The following CCNJ variants were observed in gnomAD, a reference collection of about 807,000 sequenced individuals.
The protein encoded by CCNJ is cyclin-J.
In CCNJ, 12 loss-of-function variants were observed where a neutral mutation model predicts 41.4. That is an observed-to-expected ratio of 0.29 (90% CI 0.19 to 0.47). The LOEUF (loss-of-function observed/expected upper bound fraction) is 0.47, where lower values mean the gene tolerates loss of function less well. Among genes scored for constraint, CCNJ ranks in the 20% least tolerant of loss-of-function variants. The probability of loss-of-function intolerance (pLI) is 1.00; values close to 1 mark genes in which losing one functional copy is unlikely to be tolerated. For synonymous variants in CCNJ, 161 were observed against 173.4 expected, an observed-to-expected ratio of 0.93 and a Z score of 0.56; for missense variants, 340 against 464.6, an observed-to-expected ratio of 0.73 and a Z score of 2.47.
chr10:96,047,060 A>G (rs1273407861), intron 2 of CCNJ, among the ~76,000 whole-genome samples: 1 of 152,180 alleles, frequency 6.6e-6, no homozygotes, highest in African/African-American at 2.4e-5. Context: ...GAGCTAAGTT[A>G]GATTTTCTTC....
rs2080778999 is a variant in CCNJ at position 96,059,767 on chromosome 10, G to A, written c.*1526G>A. 1 of 152,712 alleles carries A rather than the reference G, an allele frequency of 6.5e-6. No individual in the cohort carries two copies. Among genetic ancestry groups the A allele is most frequent in the African/African-American group, 2.4e-5 (1 of 41,546 alleles). The allele number at this position is 152,712 out of a possible 1,614,324, so 9.5% of individuals were successfully genotyped here. A position where few individuals can be genotyped will look rare whatever the true frequency, so the allele number is the denominator to read the frequency against. On this transcript the variant is annotated 3_prime_UTR_variant, in exon 6 of 6. Coordinates refer to ENST00000465148, the MANE Select transcript of CCNJ (RefSeq NM_001134375.2). Reference sequence around the variant, plus strand: ...ATAAAGATGTTGTGGGTATGCAGCAGGAGTCTCAGTAATCAAGCCAATGGC... The same window carrying A: ...ATAAAGATGTTGTGGGTATGCAGCAAGAGTCTCAGTAATCAAGCCAATGGC...
chr10:96,054,330 G>A (rs1357349630), intron 3 of CCNJ, among the ~76,000 whole-genome samples: 3 of 152,138 alleles, frequency 2.0e-5, no homozygotes, highest in African/African-American at 7.2e-5. Context: ...ATAGCAGTGA[G>A]CACAACAAAA....
In CCNJ at chr10:96,058,511, T is replaced by C. The variant is rs1215356115; in HGVS notation, c.*270T>C. On this transcript the variant is annotated 3_prime_UTR_variant, in exon 6 of 6. Coordinates refer to ENST00000465148, the MANE Select transcript of CCNJ (RefSeq NM_001134375.2). ...TGATGGTCCAAATATTTCAAAAATA[T>C]TCAGTACAACAGAAAATTTGGACAG... 3.8e-5 allele frequency: 19 copies of C among 494,628 alleles called. No homozygotes were observed. Among genetic ancestry groups the C allele is most frequent in the Non-Finnish European group, 6.1e-5 (17 of 280,976 alleles). 30.6% of individuals were successfully genotyped at this position (494,628 alleles called of 1,614,324 possible).
rs1056728894 is a variant in CCNJ, at chr10:96,060,115, C to T, written c.*1874C>T. 3 of 152,512 alleles carry T rather than the reference C, an allele frequency of 2.0e-5. No individual in the cohort carries two copies. The highest frequency in any genetic ancestry group is 6.6e-5 in the Admixed American group (1 of 15,262). 9.4% of individuals were successfully genotyped at this position (152,512 alleles called of 1,614,324 possible). On this transcript the variant is annotated 3_prime_UTR_variant, in exon 6 of 6. Coordinates refer to ENST00000465148, the MANE Select transcript of CCNJ (RefSeq NM_001134375.2). ...TTTGGTAGTTCTTACCTCAAGAAAA[C>T]TTGAATTATTTGGGGGAAAGTAGGC...
In CCNJ at chr10:96,050,498, A is replaced by G. The variant is rs2080491202; in HGVS notation, c.280+32A>G. 3 of 1,469,232 alleles carry G rather than the reference A, an allele frequency of 2.0e-6. No individual in the cohort carries two copies. The African/African-American group carries it at 4.2e-5, about 20-fold the overall frequency. 91.0% of individuals were successfully genotyped at this position (1,469,232 alleles called of 1,614,324 possible). On this transcript the variant is annotated intron_variant, in intron 3 of 5. Coordinates refer to ENST00000465148, the MANE Select transcript of CCNJ (RefSeq NM_001134375.2). ...ATGAATCTGATTTACATGACTGGAAATTTCTGATGTTTATATAATAAAATA... is the reference window on the plus strand; with the variant it reads ...ATGAATCTGATTTACATGACTGGAAGTTTCTGATGTTTATATAATAAAATA...
chr10:96,046,823 TCTC>T (rs2080377575), intron 2 of CCNJ, among the ~76,000 whole-genome samples: 1 of 152,204 alleles, frequency 6.6e-6, no homozygotes, highest in African/African-American at 2.4e-5. Context: ...TCTCCTTTCT[TCTC>T]ATTATTTTGC....
intron 3 of CCNJ, among the ~76,000 whole-genome samples, chr10:96,054,132 T>C (rs2080611239): frequency 6.6e-6 from 1 of 152,234 alleles, no homozygotes; most frequent in African/African-American, 2.4e-5. Flanking sequence ...CCCAGTGTTT[T>C]TGTTTCTGTG....
At chr10:96,051,395 T>A (rs1404454518) in intron 3 of CCNJ, among the ~76,000 whole-genome samples, 4 of 152,240 alleles carry the variant, frequency 2.6e-5, no homozygotes, top group African/African-American at 2.4e-5. Context: ...TAATATAGTT[T>A]CTATATTCAT....
chr10:96,043,480 C>A (rs1450462923), upstream of CCNJ: 1 of 387,428 alleles, frequency 2.6e-6, no homozygotes, highest in Non-Finnish European at 4.6e-6. Context: ...GCCAATTGGA[C>A]GGCTCGGGGC....
chr10:96,052,287 G>A (rs1042702988), intron 3 of CCNJ, among the ~76,000 whole-genome samples: 2 of 152,226 alleles, frequency 1.3e-5, no homozygotes. Context: ...CAGTTTAGAT[G>A]TGTGAGTCCA....
At chr10:96,047,015 T>C (rs551041492) in intron 2 of CCNJ, among the ~76,000 whole-genome samples, 1 of 152,214 alleles carries the variant, frequency 6.6e-6, no homozygotes, top group Non-Finnish European at 1.5e-5. Flanking sequence ...AAACCTGCTC[T>C]GGTTTTGCCT....
At chr10:96,056,153 C>G (rs977571951) in intron 3 of CCNJ, among the ~76,000 whole-genome samples, 1 of 151,908 alleles carries the variant, frequency 6.6e-6, no homozygotes, top group Admixed American at 6.6e-5. Flanking sequence ...ACTAAAAATA[C>G]AAAAAATTAG....
Position 96,058,119 on chromosome 10 carries a change from A to G in CCNJ, c.1030A>G (p.Thr344Ala), listed in dbSNP as rs760393109. Residue 344 changes from threonine to alanine, a missense_variant, in exon 6 of 6, where the codon ACT becomes GCT. Physicochemically the swap from Thr to Ala is moderately conservative, Grantham distance 58. This residue lies in a region of CCNJ where 159 missense variants were observed against 168.2 expected (regional missense o/e 0.95). Transcript: ENST00000465148. ...TSVQGLGHMQ[T>A]GVGMSLAIPV... ...TGTTCAGGGCCTTGGGCACATGCAG[A>G]CTGGTGTTGGGATGTCACTGGCAAT... 3.7e-6 allele frequency: 6 copies of G among 1,614,042 alleles called. No homozygotes were observed. In the Admixed American group the frequency reaches 1.0e-4, roughly 27 times the overall value.
chr10:96,053,432 A>AT (rs2080588507), intron 3 of CCNJ, among the ~76,000 whole-genome samples: 1 of 152,342 alleles, frequency 6.6e-6, no homozygotes, highest in African/African-American at 2.4e-5. Flanking sequence ...TAATTCCTCC[A>AT]TAAGTTGCTC....
At chr10:96,055,780 T>C (rs1431084028) in intron 3 of CCNJ, among the ~76,000 whole-genome samples, 1 of 152,200 alleles carries the variant, frequency 6.6e-6, no homozygotes, top group Non-Finnish European at 1.5e-5. Flanking sequence ...AAAGCAGATA[T>C]AAACTATCTC....
intron 3 of CCNJ, among the ~76,000 whole-genome samples, chr10:96,055,716 T>C (rs1259553038): frequency 6.6e-6 from 1 of 152,228 alleles, no homozygotes; most frequent in Non-Finnish European, 1.5e-5. Flanking sequence ...CTTTGAATAA[T>C]GTTCAGCCAT....
At chr10:96,043,275 C>T (rs1167885196), upstream of CCNJ, 4 of 252,562 alleles carry the variant, frequency 1.6e-5, no homozygotes, top group Non-Finnish European at 3.0e-5. Context: ...AGTGATCCAC[C>T]TTACAATTTC....
intron 3 of CCNJ, among the ~76,000 whole-genome samples, chr10:96,053,442 C>G (rs187745446): frequency 8.4e-4 from 128 of 152,312 alleles, no homozygotes; most frequent in Middle Eastern, 3.4e-3. Context: ...ATAAGTTGCT[C>G]TGTTACCTTT....
Position 96,044,251 on chromosome 10 carries a change from T to C in CCNJ, c.-41-102T>C, listed in dbSNP as rs1186484708. 14 of 499,542 alleles carry C rather than the reference T, an allele frequency of 2.8e-5. No individual in the cohort carries two copies. In the East Asian group the frequency reaches 3.8e-4, roughly 14 times the overall value. The allele number at this position is 499,542 out of a possible 1,614,324, so 30.9% of individuals were successfully genotyped here. On this transcript the variant is annotated intron_variant, in intron 1 of 5. Coordinates refer to ENST00000465148, the MANE Select transcript of CCNJ (RefSeq NM_001134375.2). ...GGGTTGAGGAAGAGTCAAGTGAAGATGAGCAGCCACACCGGGTGGCCTGAG... is the reference window on the plus strand; with the variant it reads ...GGGTTGAGGAAGAGTCAAGTGAAGACGAGCAGCCACACCGGGTGGCCTGAG...
Sources: allele counts gnomAD v4.1 joint callset (sites outside exome capture counted in the v4.1 genomes callset), GRCh38; gene constraint gnomAD v4.1.1; regional missense constraint gnomAD v4.1.1; transcripts MANE v1.5; gene names NCBI Gene and HGNC (gene_info 2026-07-23, HGNC 2026-07-21).